The following ILDR1 variants were observed in gnomAD, a reference collection of about 807,000 sequenced individuals.
ILDR1 encodes the protein immunoglobulin-like domain-containing receptor 1.
ILDR1 carries 56 observed loss-of-function variants against 62.4 expected under a neutral mutation model. The ratio of observed to expected loss-of-function variants is 0.90; its 90% CI spans 0.72 to 1.12. The LOEUF is 1.12. Among genes scored for constraint, ILDR1 ranks in the 50% most tolerant of loss-of-function variants. ILDR1 has a pLI of 0.00. For missense variants in ILDR1, 736 were observed against 710.6 expected, an observed-to-expected ratio of 1.04 and a Z score of -0.41; for synonymous variants, 284 against 277.8, an observed-to-expected ratio of 1.02 and a Z score of -0.22.
intron 1 of ILDR1, among the ~76,000 whole-genome samples, chr3:122,021,806 TG>T (rs1467907850): frequency 2.0e-5 from 3 of 152,244 alleles, no homozygotes; most frequent in African/African-American, 7.2e-5. Context: ...TGCACCTGTT[TG>T]GGAAGGGCCT....
At chr3:122,006,932 G>A (rs1034517484) in intron 2 of ILDR1, 59 bp downstream of exon 2, 15 of 1,537,694 alleles carry the variant, frequency 9.8e-6, no homozygotes, top group African/African-American at 4.1e-5. Flanking sequence ...AACCCTAACC[G>A]CAGTATGTCA....
At chr3:122,046,551 T>C in the ILDR1 span, among the ~76,000 whole-genome samples, 1 of 147,234 alleles carries the variant, frequency 6.8e-6, no homozygotes, top group Non-Finnish European at 1.5e-5. Flanking sequence ...CACTTTCAGG[T>C]ACACCAATCA....
At chr3:122,009,731 G>C (rs1056050642) in intron 1 of ILDR1, among the ~76,000 whole-genome samples, 1 of 152,224 alleles carries the variant, frequency 6.6e-6, no homozygotes, top group African/African-American at 2.4e-5. Flanking sequence ...ATTATCCTAC[G>C]GAGCAGCTAG....
At chr3:121,992,473 A>G (rs1477407042) in intron 7 of ILDR1, among the ~76,000 whole-genome samples, 1 of 152,226 alleles carries the variant, frequency 6.6e-6, no homozygotes, top group African/African-American at 2.4e-5. Flanking sequence ...TTAAAAAAAT[A>G]CAAAAGATCT....
intron 1 of ILDR1, among the ~76,000 whole-genome samples, chr3:122,013,138 T>C (rs1344148622): frequency 6.6e-6 from 1 of 152,178 alleles, no homozygotes; most frequent in Non-Finnish European, 1.5e-5. Context: ...GCAGAGTATC[T>C]TTACAACTAA....
intron 5 of ILDR1, among the ~76,000 whole-genome samples, chr3:121,998,942 A>G (rs186241309): frequency 1.3e-5 from 2 of 150,726 alleles, no homozygotes; most frequent in East Asian, 2.0e-4. Context: ...GCTACTTCCT[A>G]GCTGTGGGGC....
At chr3:122,025,060 G>A (rs2071908949), upstream of ILDR1, 1 of 152,188 alleles carries the variant, frequency 6.6e-6, no homozygotes, top group Admixed American at 6.5e-5. Flanking sequence ...CAGAACAACA[G>A]CAGTTCTTTC....
chr3:121,993,100 A>C, intron 7 of ILDR1, 50 bp downstream of exon 7: 1 of 1,410,832 alleles, frequency 7.1e-7, no homozygotes, highest in Non-Finnish European at 9.8e-7. Flanking sequence ...GCCTGGCTGG[A>C]GGCTCCTCTC....
chr3:122,018,918 A>T (rs957937542), intron 1 of ILDR1, among the ~76,000 whole-genome samples: 11 of 152,144 alleles, frequency 7.2e-5, no homozygotes, highest in African/African-American at 2.4e-4. Context: ...GTCCACCCCC[A>T]CCACCCAGGA....
intron 3 of ILDR1, 78 bp from the exon 4 acceptor site, chr3:122,001,942 TG>T: frequency 6.6e-7 from 1 of 1,517,322 alleles, no homozygotes. Flanking sequence ...CCTCAAGACC[TG>T]GGCAGCATGG....
upstream of ILDR1, chr3:122,025,386 C>T (rs1212074179): frequency 6.6e-6 from 1 of 152,190 alleles, no homozygotes; most frequent in Non-Finnish European, 1.5e-5. Context: ...TCATCATTGT[C>T]CCCATTTTAC....
intron 1 of ILDR1, among the ~76,000 whole-genome samples, chr3:122,012,597 A>G (rs1287302544): frequency 3.9e-5 from 6 of 152,206 alleles, no homozygotes. Context: ...AGTTATTTCC[A>G]AACTATTGTT....
the ILDR1 span, among the ~76,000 whole-genome samples, chr3:122,044,472 G>C: frequency 6.7e-6 from 1 of 148,636 alleles, no homozygotes; most frequent in South Asian, 2.1e-4. Context: ...CTATTGATTG[G>C]AATAGTTTCA....
chr3:122,050,808 G>A, the ILDR1 span, among the ~76,000 whole-genome samples: 1 of 151,822 alleles, frequency 6.6e-6, no homozygotes, highest in Non-Finnish European at 1.5e-5. Flanking sequence ...ACTCTCTTTA[G>A]CATTTCTTGA....
chr3:122,024,360 G>A (rs954333921), upstream of ILDR1, among the ~76,000 whole-genome samples: 1 of 152,166 alleles, frequency 6.6e-6, no homozygotes, highest in Non-Finnish European at 1.5e-5. Context: ...GGGAAATACT[G>A]GTGCTGTAAA....
In ILDR1 at chr3:122,020,813, T is replaced by G. The variant is rs562654188; in HGVS notation, c.58+1207A>C. On this transcript the variant is annotated intron_variant, in intron 1 of 7. Transcript: ENST00000344209. Reference sequence around the variant, plus strand: ...CATCGTGGGTGTCCAACATCTAGTCTTGTCAACTTCAGACAGTTTCTAGGG... The same window carrying G: ...CATCGTGGGTGTCCAACATCTAGTCGTGTCAACTTCAGACAGTTTCTAGGG... 3.3e-5 allele frequency among the ~76,000 whole-genome samples: 5 copies of G among 152,334 alleles called. No individual in the cohort carries two copies. The East Asian group carries it at 7.7e-4, about 23-fold the overall frequency.
At chr3:122,045,115 G>A in the ILDR1 span, among the ~76,000 whole-genome samples, 1 of 151,722 alleles carries the variant, frequency 6.6e-6, no homozygotes, top group Non-Finnish European at 1.5e-5. Flanking sequence ...CTGGTATGTT[G>A]TGTCTTTGTT....
intron 1 of ILDR1, among the ~76,000 whole-genome samples, chr3:122,011,677 T>TTCACACACACACACACA (rs139879742): frequency 5.3e-4 from 70 of 133,236 alleles, no homozygotes; most frequent in African/African-American, 1.9e-3. Flanking sequence ...TCTCTCTCTT[T>TTCACACACACACACACA]CACACACACA....
At chr3:122,001,257 C>A (rs372743080) in intron 5 of ILDR1, 51 bp downstream of exon 5, 1 of 1,605,514 alleles carries the variant, frequency 6.2e-7, no homozygotes, top group Non-Finnish European at 8.5e-7. Flanking sequence ...ATCTGCTTGA[C>A]GTCCTGGTCC....
Sources: gnomAD v4.1 joint callset for allele counts (sites outside exome capture counted in the v4.1 genomes callset) on GRCh38, gnomAD v4.1.1 for gene constraint, MANE v1.5 for transcripts, NCBI Gene and HGNC (gene_info 2026-07-23, HGNC 2026-07-21) for gene names.